Variants in EIF2D observed in about 807,000 individuals in gnomAD.
EIF2D encodes eukaryotic translation initiation factor 2D.
A neutral mutation model predicts 77.4 loss-of-function variants in EIF2D; 56 were observed. That is an observed-to-expected ratio of 0.72 (90% CI 0.58 to 0.90). The LOEUF (loss-of-function observed/expected upper bound fraction) is 0.90, where lower values mean the gene tolerates loss of function less well. Among genes scored for constraint, EIF2D ranks in the 40% least tolerant of loss-of-function variants. EIF2D has a pLI of 0.00. For synonymous variants in EIF2D, 230 were observed against 271.0 expected, an observed-to-expected ratio of 0.85 and a Z score of 1.49; for missense variants, 574 against 706.5, an observed-to-expected ratio of 0.81 and a Z score of 2.13.
chr1:206,608,238 G>T lies in EIF2D; in HGVS notation c.420C>A (p.Asn140Lys). ...GDLCAISLVG[N>K]RAPVAIGVAA... Reference sequence around the variant, plus strand: ...GGCACAGTTGCCTGGCACAGTACCTGTTCCCCACCAAAGAAATGGCACAGA... The same window carrying T: ...GGCACAGTTGCCTGGCACAGTACCTTTTCCCCACCAAAGAAATGGCACAGA... The change falls in exon 4 of 15, where the codon AAC becomes AAA. Residue 140 changes from asparagine to lysine, a missense_variant and splice_region_variant. Physicochemically the swap from Asn to Lys is moderately conservative, Grantham distance 94. Coordinates refer to ENST00000271764, the MANE Select transcript of EIF2D (RefSeq NM_006893.3). 6.2e-7 allele frequency: 1 copy of T among 1,613,260 alleles called. No individual in the cohort carries two copies.
At chr1:206,581,672 G>GGAAGGAAAGAAA (rs1553406366) in intron 2 of EIF2D, among the ~76,000 whole-genome samples, 1 of 151,288 alleles carries the variant, frequency 6.6e-6, no homozygotes, top group African/African-American at 2.4e-5. Context: ...AAGGAAGGAA[G>GGAAGGAAAGAAA]GAAAGAAAGA....
At chr1:206,598,079 C>A (rs976197250) in intron 11 of EIF2D, among the ~76,000 whole-genome samples, 4 of 151,806 alleles carry the variant, frequency 2.6e-5, no homozygotes, top group Admixed American at 6.6e-5. Flanking sequence ...ACTGTATCAC[C>A]CAGGTTGCAG....
intron 14 of EIF2D, among the ~76,000 whole-genome samples, chr1:206,593,315 T>C (rs1279112216): frequency 4.0e-5 from 6 of 151,866 alleles, no homozygotes; most frequent in African/African-American, 1.5e-4. Flanking sequence ...GCACAAAAGT[T>C]TGGGTGCTCG....
At position 206,599,627 on chromosome 1, in the gene EIF2D, A is replaced by G. The variant is rs782733665; in HGVS notation, c.1053-15T>C. On this transcript the variant is annotated splice_polypyrimidine_tract_variant and intron_variant, in intron 9 of 14. Coordinates refer to ENST00000271764, the MANE Select transcript of EIF2D (RefSeq NM_006893.3). This position sits in a 1 kb window ranked among gnomAD's most constrained non-coding sequence, Gnocchi z 4.1. The stretch of plus-strand genomic sequence containing the variant: ...AAGATGTAATCCTAAAACCCAGCAG[A>G]AGGAAAGAAAAAACACATTTTATAC... 5.0e-6 allele frequency: 8 copies of G among 1,599,984 alleles called. No homozygotes were observed. Among genetic ancestry groups the G allele is most frequent in the Non-Finnish European group, 6.8e-6 (8 of 1,173,218 alleles).
At position 206,579,034 on chromosome 1, in the gene EIF2D, G is replaced by A. The variant is rs893303679; in HGVS notation, c.*254+1658C>T. The stretch of plus-strand genomic sequence containing the variant: ...AAGCATTAGAGAATCACTCAGGGTC[G>A]GGGTGTCGCTGTGAACCCCTAGCAC... On this transcript the variant is annotated intron_variant and NMD_transcript_variant, in intron 4 of 5. Transcript: ENST00000472709. The surrounding 1 kb of genome is among the most constrained non-coding windows in gnomAD (Gnocchi z 4.2). 2.0e-5 allele frequency among the ~76,000 whole-genome samples: 3 copies of A among 152,084 alleles called. No individual in the cohort carries two copies. The highest frequency in any genetic ancestry group is 2.1e-4 in the South Asian group (1 of 4,824).
chr1:206,588,310 C>CCAAT (rs1285235828), downstream of EIF2D: 1 of 152,480 alleles, frequency 6.6e-6, no homozygotes, highest in Non-Finnish European at 1.5e-5. Flanking sequence ...AGTTTTGACT[C>CCAAT]CAATCAGTGA....
Position 206,609,379 on chromosome 1 carries a change from C to T in EIF2D, c.328G>A (p.Ala110Thr), listed in dbSNP as rs781954716. 4.3e-6 allele frequency: 7 copies of T among 1,613,962 alleles called. No individual in the cohort carries two copies. The South Asian group carries it at 4.4e-5, about 10-fold the overall frequency. Residue 110 changes from alanine (A) to threonine (T), a missense_variant, in exon 3 of 15, where the codon GCA becomes ACA. Transcript: ENST00000271764. Reference protein sequence around the residue: ...PLVLEKLVGGADLMLPGLVMP... With the variant: ...PLVLEKLVGGTDLMLPGLVMP... The stretch of plus-strand genomic sequence containing the variant: ...GAATATAGGAGAATCCTCTTACCTG[C>T]TCCCCCTACCAGTTTCTCGAGCACC...
In EIF2D at chr1:206,597,135, T is replaced by C. The variant is rs782813126; in HGVS notation, c.1353A>G (p.Thr451=). 1.5e-5 allele frequency: 24 copies of C among 1,614,138 alleles called. No individual in the cohort carries two copies. Among genetic ancestry groups the C allele is most frequent in the Non-Finnish European group, 2.0e-5 (24 of 1,179,990 alleles). ...GACTGTCCCATGGAAGCTTCATGAC[T>C]GTATGCTGTTCATTTTTCTCTAAGA... The part of the protein sequence containing the change: ...DCILEKNEQH[T]VMKLPWDSLL... Residue 451 remains threonine, a synonymous_variant, in exon 12 of 15, where the codon ACA becomes ACG. Coordinates refer to ENST00000271764, the MANE Select transcript of EIF2D (RefSeq NM_006893.3).
intron 7 of EIF2D, 67 bp from the exon 8 acceptor site, chr1:206,600,375 G>A: frequency 6.8e-7 from 1 of 1,473,402 alleles, no homozygotes. Flanking sequence ...CTGACACTGA[G>A]AGGAGGGCCT....
In EIF2D at chr1:206,612,443, G is replaced by A; in HGVS notation, c.-101C>T. Reference sequence around the variant, plus strand: ...GGCCCTCAGCCGTGGGGGCAGCCATGCTGGGGCCCGGCCGCGAAAAGGGCC... The same window carrying A: ...GGCCCTCAGCCGTGGGGGCAGCCATACTGGGGCCCGGCCGCGAAAAGGGCC... On this transcript the variant is annotated 5_prime_UTR_variant, in exon 1 of 15. Transcript: ENST00000271764. 1.3e-6 allele frequency: 2 copies of A among 1,493,606 alleles called. No individual in the cohort carries two copies. The highest frequency in any genetic ancestry group is 1.9e-6 in the Non-Finnish European group (2 of 1,077,068). 92.5% of individuals were successfully genotyped at this position (1,493,606 alleles called of 1,614,324 possible). A position where few individuals can be genotyped will look rare whatever the true frequency, so the allele number is the denominator to read the frequency against.
intron 13 of EIF2D, chr1:206,594,059 T>C: frequency 7.3e-6 from 2 of 275,330 alleles, no homozygotes; most frequent in Non-Finnish European, 1.4e-5. Flanking sequence ...TTTTAAGTTT[T>C]ATTTGGAGAA....
downstream of EIF2D, chr1:206,587,263 ATAG>A: frequency 2.5e-6 from 1 of 393,344 alleles, no homozygotes; most frequent in East Asian, 5.8e-5. Context: ...CACCAACCAA[ATAG>A]TTGCCTCTCT....
intron 5 of EIF2D, chr1:206,603,532 C>T: frequency 4.3e-6 from 1 of 232,668 alleles, no homozygotes; most frequent in East Asian, 9.0e-5. Context: ...AAAAATGTTC[C>T]CTTCATCTGA....
Position 206,579,948 on chromosome 1 carries a change from G to C in EIF2D, c.*254+744C>G, listed in dbSNP as rs141878906. On this transcript the variant is annotated intron_variant and NMD_transcript_variant, in intron 4 of 5. Transcript: ENST00000472709. This position sits in a 1 kb window ranked among gnomAD's most constrained non-coding sequence, Gnocchi z 4.2. ...GTGGGCAGCAGCCATCCCAGACCTGGGTGCTGGCATTCCATGGCTGTGACA... is the reference window on the plus strand; with the variant it reads ...GTGGGCAGCAGCCATCCCAGACCTGCGTGCTGGCATTCCATGGCTGTGACA... 1.5e-3 allele frequency among the ~76,000 whole-genome samples: 223 copies of C among 152,352 alleles called. 1 individual carries two copies. Among genetic ancestry groups the C allele is most frequent in the Middle Eastern group, 3.4e-3 (1 of 294 alleles).
intron 5 of EIF2D, among the ~76,000 whole-genome samples, chr1:206,572,245 T>C (rs950132432): frequency 6.6e-6 from 1 of 152,166 alleles, no homozygotes; most frequent in Non-Finnish European, 1.5e-5. Context: ...TGAACCCCTA[T>C]TGTGTGCCTG....
downstream of EIF2D, chr1:206,587,759 G>C (rs903841509): frequency 6.6e-6 from 1 of 152,410 alleles, no homozygotes; most frequent in Non-Finnish European, 1.5e-5. Flanking sequence ...TGTCATCATC[G>C]TCATGTGTTT....
Position 206,593,641 on chromosome 1 carries a change from G to C in EIF2D, c.1662C>G (p.His554Gln). 6.2e-7 allele frequency: 1 copy of C among 1,610,332 alleles called. No homozygotes were observed. Among genetic ancestry groups the C allele is most frequent in the Non-Finnish European group, 8.5e-7 (1 of 1,177,074 alleles). ...CACCAAGCAATAGCCAGCCGAGGTG[G>C]TGGACCTGGTTTCCCTGGATCTGCA... ...LQVQIQGNQV[H>Q]HLGWLLLEEY... The change falls in exon 14 of 15, where the codon CAC becomes CAG. Residue 554 changes from histidine to glutamine, a missense_variant. His to Gln is a conservative substitution (Grantham distance 24, BLOSUM62 0). Transcript: ENST00000271764.
At chr1:206,588,716 C>G (rs1359384650), downstream of EIF2D, 2 of 152,700 alleles carry the variant, frequency 1.3e-5, no homozygotes, top group African/African-American at 2.4e-5. Context: ...GCTCGCAACT[C>G]TAAGATTTTT....
At chr1:206,587,354 A>T (rs7541445), downstream of EIF2D, 140,036 of 316,802 alleles carry the variant, frequency 0.44, 31,589 homozygotes, top group South Asian at 0.55. Context: ...TTTCTCTGGC[A>T]TTGATTCCTC....
Sources: gnomAD v4.1 joint callset for allele counts (sites outside exome capture counted in the v4.1 genomes callset) on GRCh38, gnomAD v4.1.1 for gene constraint, Gnocchi (gnomAD v3.1) non-coding constraint, MANE v1.5 for transcripts, NCBI Gene and HGNC (gene_info 2026-07-23, HGNC 2026-07-21) for gene names.